ANKS1B: variants seen among roughly 807,000 people sequenced by gnomAD.
ANKS1B encodes ankyrin repeat and sterile alpha motif domain containing 1B, also known as ankyrin repeat and sterile alpha motif domain-containing protein 1B.
In ANKS1B, 36 loss-of-function variants were observed where a neutral mutation model predicts 148.3. The ratio of observed to expected loss-of-function variants is 0.24; its 90% CI spans 0.19 to 0.32. ANKS1B has a LOEUF of 0.32. Ranked by LOEUF, ANKS1B falls within the 10% of genes least tolerant of loss-of-function variation. ANKS1B has a pLI of 1.00. For missense variants in ANKS1B, 1,157 were observed against 1,542.6 expected (o/e 0.75, Z 4.19); for synonymous variants, 542 against 560.8 (o/e 0.97, Z 0.47).
chr12:99,595,682 T>C (rs1023257011), intron 9 of ANKS1B, among the ~76,000 whole-genome samples: 13 of 151,936 alleles, frequency 8.6e-5, no homozygotes, highest in Non-Finnish European at 7.4e-5. Context: ...GAAAAGAAGA[T>C]TCAAGTAAAT....
rs12314533 is a variant in ANKS1B, at chr12:98,923,673, T to C, written c.2779-91537A>G. On this transcript the variant is annotated intron_variant, in intron 17 of 26. Transcript: ENST00000683438. ...ACCAGCTAGTTGCTAATCACTTCATTGCTGCTTCCCACCACCAGTCAATGT... is the reference window on the plus strand; with the variant it reads ...ACCAGCTAGTTGCTAATCACTTCATCGCTGCTTCCCACCACCAGTCAATGT... Among the ~76,000 whole-genome samples the C allele has an allele frequency of 1.8e-3, 276 of 152,322 alleles. 3 individuals carry two copies. The highest frequency in any genetic ancestry group is 6.6e-3 in the African/African-American group (275 of 41,576).
intron 8 of ANKS1B, among the ~76,000 whole-genome samples, chr12:99,718,227 T>C (rs1310617159): frequency 6.6e-6 from 1 of 152,132 alleles, no homozygotes; most frequent in Non-Finnish European, 1.5e-5. Flanking sequence ...CACTCCTTTT[T>C]AGTTATCCCC....
chr12:99,950,942 T>C (rs2095205395), intron 1 of ANKS1B, among the ~76,000 whole-genome samples: 2 of 152,258 alleles, frequency 1.3e-5, no homozygotes, highest in Admixed American at 1.3e-4. Flanking sequence ...AAGATATAAA[T>C]TGTTTAATCC....
intron 17 of ANKS1B, among the ~76,000 whole-genome samples, chr12:98,975,180 C>A (rs2099891930): frequency 7.1e-6 from 1 of 141,132 alleles, no homozygotes. Flanking sequence ...CCACCTTCCT[C>A]CCTTTCCTCT....
intron 12 of ANKS1B, among the ~76,000 whole-genome samples, chr12:99,280,446 A>T (rs1323230042): frequency 6.6e-6 from 1 of 152,220 alleles, no homozygotes; most frequent in African/African-American, 2.4e-5. Context: ...CAATTTATGT[A>T]AGCACAAGTT....
chr12:99,334,209 CATAGAT>C, intron 12 of ANKS1B, among the ~76,000 whole-genome samples: 2 of 151,760 alleles, frequency 1.3e-5, no homozygotes, highest in Admixed American at 6.6e-5. Flanking sequence ...TACATAGATA[CATAGAT>C]ACATAGAAAG....
At chr12:99,631,550 C>T (rs2098161408) in intron 9 of ANKS1B, among the ~76,000 whole-genome samples, 1 of 152,014 alleles carries the variant, frequency 6.6e-6, no homozygotes, top group African/African-American at 2.4e-5. Context: ...AAGGCCATTT[C>T]GATGAGGTTT....
intron 6 of ANKS1B, among the ~76,000 whole-genome samples, chr12:99,777,613 C>T (rs1375679945): frequency 6.6e-6 from 1 of 152,096 alleles, no homozygotes; most frequent in Admixed American, 6.5e-5. Context: ...GAGACGGAGT[C>T]TCGCTCTGTT....
chr12:98,933,835 A>C (rs2099815982), intron 17 of ANKS1B, among the ~76,000 whole-genome samples: 1 of 151,980 alleles, frequency 6.6e-6, no homozygotes, highest in African/African-American at 2.4e-5. Context: ...CATTAAAAAA[A>C]ATCATGTTAC....
At chr12:98,862,293 C>T (rs983849668) in intron 17 of ANKS1B, among the ~76,000 whole-genome samples, 5 of 152,030 alleles carry the variant, frequency 3.3e-5, no homozygotes, top group East Asian at 1.9e-4. Flanking sequence ...CCATGTATTG[C>T]GGGAGAGTTA....
intron 9 of ANKS1B, among the ~76,000 whole-genome samples, chr12:99,562,112 A>G (rs1044576477): frequency 9.8e-5 from 15 of 152,328 alleles, no homozygotes; most frequent in African/African-American, 3.6e-4. Context: ...TGCATTGTCA[A>G]TGAGTAGTAA....
At chr12:99,212,895 CAT>C (rs1566644568) in intron 14 of ANKS1B, among the ~76,000 whole-genome samples, 2 of 152,194 alleles carry the variant, frequency 1.3e-5, no homozygotes, top group East Asian at 3.9e-4. Flanking sequence ...CTCCTAGTGA[CAT>C]ACTGATGATG....
intron 22 of ANKS1B, among the ~76,000 whole-genome samples, chr12:98,784,517 G>A (rs1256115780): frequency 6.6e-6 from 1 of 152,198 alleles, no homozygotes; most frequent in African/African-American, 2.4e-5. Context: ...TGGGCTTACT[G>A]GGTGGAATTC....
intron 1 of ANKS1B, among the ~76,000 whole-genome samples, chr12:99,857,099 T>C (rs1421334850): frequency 6.6e-6 from 1 of 152,198 alleles, no homozygotes; most frequent in Non-Finnish European, 1.5e-5. Context: ...AAACTGTCAC[T>C]GTTTGCTGAA....
rs200250257 is a variant in ANKS1B at position 99,174,684 on chromosome 12, G to C, written c.2420-20289C>G. Among the ~76,000 whole-genome samples the C allele has an allele frequency of 2.6e-4, 39 of 152,182 alleles. No homozygotes were observed. In the East Asian group the frequency reaches 5.6e-3, roughly 22 times the overall value. The stretch of plus-strand genomic sequence containing the variant: ...TAATAGAGTAGAAAAATGGAAAGAG[G>C]CTGGTTCCTAATAACCTTTTTTGAG... On this transcript the variant is annotated intron_variant, in intron 14 of 26. Coordinates refer to ENST00000683438, the MANE Select transcript of ANKS1B (RefSeq NM_001352186.2).
At chr12:99,728,775 A>G (rs1248802253) in intron 8 of ANKS1B, among the ~76,000 whole-genome samples, 1 of 152,226 alleles carries the variant, frequency 6.6e-6, no homozygotes. Context: ...ACACGATGGA[A>G]TACTATGCAA....
intron 17 of ANKS1B, among the ~76,000 whole-genome samples, chr12:98,836,780 T>C (rs2099365937): frequency 6.6e-6 from 1 of 151,974 alleles, no homozygotes; most frequent in South Asian, 2.1e-4. Flanking sequence ...ATAATGGGAG[T>C]AAAAGACAAA....
intron 17 of ANKS1B, among the ~76,000 whole-genome samples, chr12:98,916,780 G>A (rs187515957): frequency 2.0e-5 from 3 of 152,290 alleles, no homozygotes; most frequent in African/African-American, 7.2e-5. Context: ...TCATTGCAGA[G>A]TGAGGCACCA....
intron 9 of ANKS1B, among the ~76,000 whole-genome samples, chr12:99,599,071 G>T (rs1446749557): frequency 1.3e-5 from 2 of 151,880 alleles, no homozygotes; most frequent in African/African-American, 2.4e-5. Context: ...TGTCTGTAAA[G>T]ATCTCCCTCT....
Sources: allele counts gnomAD v4.1 joint callset (sites outside exome capture counted in the v4.1 genomes callset), GRCh38; gene constraint gnomAD v4.1.1; transcripts MANE v1.5; gene names NCBI Gene and HGNC (gene_info 2026-07-23, HGNC 2026-07-21).